Variants in PTPRD observed in about 807,000 individuals in gnomAD.
PTPRD encodes the protein protein tyrosine phosphatase receptor type D, also known as receptor-type tyrosine-protein phosphatase delta.
A neutral mutation model predicts 214.5 loss-of-function variants in PTPRD; 34 were observed. The ratio of observed to expected loss-of-function variants is 0.16; its 90% CI spans 0.12 to 0.21. The LOEUF (loss-of-function observed/expected upper bound fraction) is 0.21. PTPRD is among the 10% of genes least tolerant of loss of function. The probability of loss-of-function intolerance (pLI) is 1.00; values close to 1 mark genes in which losing one functional copy is unlikely to be tolerated. For missense variants in PTPRD, 2,545 were observed against 2,398.7 expected, an observed-to-expected ratio of 1.06 and a Z score of -1.27; for synonymous variants, 1,128 against 845.7, an observed-to-expected ratio of 1.33 and a Z score of -5.79.
At chr9:9,876,140 T>C (rs1461282521) in intron 5 of PTPRD, among the ~76,000 whole-genome samples, 2 of 152,138 alleles carry the variant, frequency 1.3e-5, no homozygotes, top group Non-Finnish European at 2.9e-5. Flanking sequence ...TTATGATTAC[T>C]ATGATTATGG....
intron 24 of PTPRD, 64 bp downstream of exon 24, chr9:8,500,690 T>A (rs10815890): frequency 0.2 from 299,148 of 1,511,620 alleles, 30,644 homozygotes; most frequent in Admixed American, 0.21. Context: ...TGTGAGCCTA[T>A]TGAAAGACAG....
intron 12 of PTPRD, among the ~76,000 whole-genome samples, chr9:8,721,082 A>C (rs1275373038): frequency 6.6e-6 from 1 of 151,240 alleles, no homozygotes; most frequent in Non-Finnish European, 1.5e-5. Flanking sequence ...GAGGATAAAA[A>C]TTATGTTGCC....
chr9:9,996,180 A>G (rs867091516), intron 4 of PTPRD, among the ~76,000 whole-genome samples: 26 of 152,274 alleles, frequency 1.7e-4, no homozygotes, highest in African/African-American at 6.3e-4. Flanking sequence ...TGAAGGACTG[A>G]TATCCTTATA....
chr9:8,640,066 G>C (rs1030903457), intron 12 of PTPRD, among the ~76,000 whole-genome samples: 9 of 152,060 alleles, frequency 5.9e-5, no homozygotes, highest in African/African-American at 2.2e-4. Context: ...GAGTGGCTGG[G>C]AGCACAACCA....
At chr9:9,841,565 T>C (rs1029096184) in intron 5 of PTPRD, among the ~76,000 whole-genome samples, 1 of 152,256 alleles carries the variant, frequency 6.6e-6, no homozygotes, top group East Asian at 1.9e-4. Context: ...CGCTAGAACA[T>C]GGACCTAGCG....
chr9:10,297,369 C>T (rs934633535), intron 3 of PTPRD, among the ~76,000 whole-genome samples: 4 of 151,876 alleles, frequency 2.6e-5, no homozygotes, highest in Admixed American at 6.6e-5. Flanking sequence ...TCCCTTTGCA[C>T]ACCAAGTGTG....
At chr9:9,919,465 C>A (rs1340308072) in intron 5 of PTPRD, among the ~76,000 whole-genome samples, 1 of 152,124 alleles carries the variant, frequency 6.6e-6, no homozygotes, top group Non-Finnish European at 1.5e-5. Context: ...CAGTTTCCCA[C>A]CCTTTAGATG....
chr9:10,241,752 A>G (rs971643564), intron 3 of PTPRD, among the ~76,000 whole-genome samples: 2 of 151,928 alleles, frequency 1.3e-5, no homozygotes, highest in East Asian at 1.9e-4. Context: ...GGATCTGTTT[A>G]TTATTTTCAT....
At chr9:9,603,189 GAC>G (rs2093905400) in intron 7 of PTPRD, among the ~76,000 whole-genome samples, 2 of 152,054 alleles carry the variant, frequency 1.3e-5, no homozygotes, top group Admixed American at 1.3e-4. Context: ...TAAACATTAA[GAC>G]TGAACATATG....
intron 2 of PTPRD, among the ~76,000 whole-genome samples, chr9:10,441,514 T>A (rs2098758128): frequency 2.0e-5 from 3 of 151,582 alleles, no homozygotes; most frequent in Non-Finnish European, 3.0e-5. Context: ...ATGTCACCAT[T>A]TCTGTAAAAA....
chr9:10,488,584 G>T (rs1010262624), intron 2 of PTPRD, among the ~76,000 whole-genome samples: 2 of 152,070 alleles, frequency 1.3e-5, no homozygotes, highest in African/African-American at 2.4e-5. Flanking sequence ...TGGAGGTGCT[G>T]TCTGGGAGCC....
rs777910266 is a variant in PTPRD at position 9,058,442 on chromosome 9, GTTTTTTTTTTTT to G, written c.-142-39719_-142-39708del. Among the ~76,000 whole-genome samples, 61 of 69,916 alleles carry G rather than the reference GTTTTTTTTTTTT, an allele frequency of 8.7e-4. 1 individual carries two copies. Among genetic ancestry groups the G allele is most frequent in the South Asian group, 1.7e-3 (2 of 1,196 alleles). The allele number at this position is 69,916 out of a possible 152,430, so 45.9% of individuals were successfully genotyped here. A position where few individuals can be genotyped will look rare whatever the true frequency, so the allele number is the denominator to read the frequency against. On this transcript the variant is annotated intron_variant, in intron 10 of 45. Transcript: ENST00000381196. ...TATTGGTGAGAGAAATATTATGAGGGTTTTTTTTTTTTTTTTTTTTTTTTTTGAGACGGAGTC... is the reference window on the plus strand; with the variant it reads ...TATTGGTGAGAGAAATATTATGAGGGTTTTTTTTTTTTTTGAGACGGAGTC...
intron 8 of PTPRD, among the ~76,000 whole-genome samples, chr9:9,432,213 T>C (rs577066517): frequency 1.6e-4 from 25 of 151,966 alleles, no homozygotes; most frequent in Non-Finnish European, 2.9e-4. Flanking sequence ...TAAATGGGAT[T>C]GAACATCTGG....
intron 14 of PTPRD, among the ~76,000 whole-genome samples, chr9:8,570,973 G>C (rs909157598): frequency 6.6e-6 from 1 of 151,892 alleles, no homozygotes; most frequent in Non-Finnish European, 1.5e-5. Flanking sequence ...AAACACTCTT[G>C]AAGCATTTCA....
At chr9:10,611,610 C>T (rs2080989319) in intron 2 of PTPRD, among the ~76,000 whole-genome samples, 1 of 152,130 alleles carries the variant, frequency 6.6e-6, no homozygotes. Flanking sequence ...AAGAGGAATA[C>T]TGCCTGCAAA....
At chr9:8,381,332 A>T (rs920507063) in intron 37 of PTPRD, among the ~76,000 whole-genome samples, 1 of 152,212 alleles carries the variant, frequency 6.6e-6, no homozygotes, top group Admixed American at 6.6e-5. Context: ...GGGCAGAAAA[A>T]ATAAATGCTG....
intron 2 of PTPRD, among the ~76,000 whole-genome samples, chr9:10,382,769 T>C (rs2154484940): frequency 6.6e-6 from 1 of 151,942 alleles, no homozygotes; most frequent in East Asian, 1.9e-4. Context: ...ATGAGTAAAA[T>C]AAATATAACG....
At chr9:8,772,136 A>C (rs953605091) in intron 11 of PTPRD, among the ~76,000 whole-genome samples, 17 of 151,792 alleles carry the variant, frequency 1.1e-4, no homozygotes, top group Middle Eastern at 3.4e-3. Context: ...CTTCCTGAAA[A>C]AACAACAACA....
chr9:10,312,824 A>C (rs141664851), intron 3 of PTPRD, among the ~76,000 whole-genome samples: 81 of 151,246 alleles, frequency 5.4e-4, no homozygotes, highest in African/African-American at 1.8e-3. Context: ...TTTGTGCTAA[A>C]GTTCAGGAGC....
Sources: allele counts gnomAD v4.1 joint callset (sites outside exome capture counted in the v4.1 genomes callset), GRCh38; gene constraint gnomAD v4.1.1; transcripts MANE v1.5; gene names NCBI Gene and HGNC (gene_info 2026-07-23, HGNC 2026-07-21).